The following ARHGAP8 variants were observed in gnomAD, a reference collection of about 807,000 sequenced individuals.
ARHGAP8 encodes Rho GTPase activating protein 8.
ARHGAP8 carries 62 observed loss-of-function variants against 46.1 expected under a neutral mutation model. The observed-to-expected ratio is 1.34, with a 90% CI of 1.10 to 1.66. ARHGAP8 has a LOEUF of 1.66. ARHGAP8 is among the 40% of genes most tolerant of loss of function. The probability of loss-of-function intolerance (pLI) is 0.00; values close to 1 mark genes in which losing one functional copy is unlikely to be tolerated. For synonymous variants in ARHGAP8, 375 were observed against 243.1 expected, an observed-to-expected ratio of 1.54 and a Z score of -5.05; for missense variants, 923 against 568.4, an observed-to-expected ratio of 1.62 and a Z score of -6.34.
At chr22:44,762,423 G>A (rs1925198235) in intron 1 of ARHGAP8, among the ~76,000 whole-genome samples, 1 of 148,586 alleles carries the variant, frequency 6.7e-6, no homozygotes, top group East Asian at 2.1e-4. Context: ...GCAACAGCAT[G>A]AGACCCCATC....
At chr22:44,787,698 C>T (rs1927360980) in intron 2 of ARHGAP8, among the ~76,000 whole-genome samples, 1 of 152,092 alleles carries the variant, frequency 6.6e-6, no homozygotes, top group Admixed American at 6.6e-5. Context: ...GGCAGTGAGT[C>T]CAACCCTCAC....
chr22:44,862,489 G>A lies in ARHGAP8; in HGVS notation c.1196G>A (p.Ser399Asn), dbSNP rs748810793. ...GGCCTGGCACCATGGGAACAGGGGA[G>A]CAGGGCAGCCCCTTTGCAGGAGGCT... is the stretch of plus-strand genomic sequence containing the variant. ...EHGLAPWEQG[S>N]RAAPLQEAVP... The change falls in exon 12 of 12, where the codon AGC becomes AAC. Residue 399 changes from serine (S) to asparagine (N), a missense_variant. Transcript: ENST00000356099. 20 of 1,613,164 alleles carry A rather than the reference G, an allele frequency of 1.2e-5. No homozygotes were observed. The highest frequency in any genetic ancestry group is 7.7e-5 in the South Asian group (7 of 91,060).
chr22:44,859,508 C>G (rs957513374), intron 10 of ARHGAP8, among the ~76,000 whole-genome samples: 2 of 152,158 alleles, frequency 1.3e-5, no homozygotes, highest in African/African-American at 4.8e-5. Context: ...GCCAGTTAAA[C>G]CTCTTTTCTT....
intron 5 of ARHGAP8, among the ~76,000 whole-genome samples, chr22:44,821,930 A>G (rs1038617448): frequency 6.7e-6 from 1 of 150,280 alleles, no homozygotes; most frequent in African/African-American, 2.4e-5. Flanking sequence ...AGGTGGCCAA[A>G]TGTGAAGCCA....
chr22:44,862,123 G>GTGGC (rs1207719858), intron 11 of ARHGAP8, 152 bp from the exon 12 acceptor site: 25 of 877,848 alleles, frequency 2.8e-5, no homozygotes, highest in Non-Finnish European at 4.1e-5. Flanking sequence ...GAGTGGGCAG[G>GTGGC]TGGCTGCACA....
At chr22:44,757,090 A>C (rs540557682) in intron 1 of ARHGAP8, among the ~76,000 whole-genome samples, 1 of 151,740 alleles carries the variant, frequency 6.6e-6, no homozygotes, top group South Asian at 2.1e-4. Flanking sequence ...TTAATTTTTA[A>C]ATTTTTGTAG....
intron 1 of ARHGAP8, among the ~76,000 whole-genome samples, chr22:44,759,638 C>T (rs532883440): frequency 9.8e-5 from 15 of 152,298 alleles, no homozygotes; most frequent in African/African-American, 3.4e-4. Context: ...CGCAGAGACT[C>T]TCACAGTGGT....
Position 44,825,420 on chromosome 22 carries a change from A to G in ARHGAP8, c.486-63A>G. 4.5e-6 allele frequency: 7 copies of G among 1,557,222 alleles called. No individual in the cohort carries two copies. In the South Asian group the frequency reaches 7.0e-5, roughly 15 times the overall value. The stretch of plus-strand genomic sequence containing the variant: ...GCAGGTGGGGCATCCAGCCCCACCC[A>G]GCGCCTCCGTGGCTGCCAGCTGCCC... On this transcript the variant is annotated intron_variant, in intron 6 of 11. Coordinates refer to ENST00000356099, the MANE Select transcript of ARHGAP8 (RefSeq NM_181335.3).
At chr22:44,778,647 G>A (rs1926596062) in intron 1 of ARHGAP8, among the ~76,000 whole-genome samples, 1 of 152,182 alleles carries the variant, frequency 6.6e-6, no homozygotes, top group Non-Finnish European at 1.5e-5. Flanking sequence ...CCTGCCAGCT[G>A]TGTAGAAGTG....
chr22:44,793,620 A>T (rs1927866615), intron 2 of ARHGAP8, among the ~76,000 whole-genome samples: 1 of 152,184 alleles, frequency 6.6e-6, no homozygotes, highest in Non-Finnish European at 1.5e-5. Flanking sequence ...CTGGGAGAGA[A>T]TGATGACTCG....
intron 7 of ARHGAP8, among the ~76,000 whole-genome samples, chr22:44,832,546 A>G (rs905975882): frequency 6.6e-6 from 1 of 152,156 alleles, no homozygotes; most frequent in Non-Finnish European, 1.5e-5. Flanking sequence ...TTTTTAATCT[A>G]TCTTTTTGTT....
At chr22:44,835,625 AAAG>A (rs1398371381) in intron 7 of ARHGAP8, among the ~76,000 whole-genome samples, 5 of 152,182 alleles carry the variant, frequency 3.3e-5, no homozygotes, top group Admixed American at 2.6e-4. Flanking sequence ...GTCTCAAGAA[AAAG>A]AAGGATTGGG....
At chr22:44,848,264 C>G (rs2070009352) in intron 9 of ARHGAP8, among the ~76,000 whole-genome samples, 1 of 152,204 alleles carries the variant, frequency 6.6e-6, no homozygotes, top group African/African-American at 2.4e-5. Context: ...CCCACTGGGA[C>G]ATGGTGGCCG....
intron 10 of ARHGAP8, among the ~76,000 whole-genome samples, chr22:44,858,542 TTTTTTTTTTA>T (rs1206154406): frequency 1.5e-5 from 2 of 132,160 alleles, no homozygotes. Flanking sequence ...GCTTTTTTTT[TTTTTTTTTTA>T]AGTAACAGGG....
At chr22:44,833,497 C>T (rs1931098580) in intron 7 of ARHGAP8, among the ~76,000 whole-genome samples, 1 of 151,966 alleles carries the variant, frequency 6.6e-6, no homozygotes, top group African/African-American at 2.4e-5. Context: ...TTGAATAAAC[C>T]TTGTATTCCT....
At chr22:44,859,369 T>C (rs114304812) in intron 10 of ARHGAP8, among the ~76,000 whole-genome samples, 1,849 of 152,302 alleles carry the variant, frequency 0.012, 49 homozygotes, top group African/African-American at 0.042. Context: ...CACTCTCTCT[T>C]GCTCCTGTTT....
chr22:44,843,220 C>T (rs140862043), intron 7 of ARHGAP8, among the ~76,000 whole-genome samples: 3 of 152,244 alleles, frequency 2.0e-5, no homozygotes, highest in African/African-American at 4.8e-5. Context: ...AGCGGTAAAG[C>T]TGTGTATTTC....
At position 44,779,993 on chromosome 22, in the gene ARHGAP8, G is replaced by A. The variant is rs547172456; in HGVS notation, c.-71-6464G>A. On this transcript the variant is annotated intron_variant, in intron 1 of 11. Coordinates refer to ENST00000356099, the MANE Select transcript of ARHGAP8 (RefSeq NM_181335.3). Reference sequence around the variant, plus strand: ...TCTCCCTCAGGGTGTCAGAGGGAGGGACCCCCAGGCTGGGACCCCAAGAGG... The same window carrying A: ...TCTCCCTCAGGGTGTCAGAGGGAGGAACCCCCAGGCTGGGACCCCAAGAGG... Among the ~76,000 whole-genome samples the A allele has an allele frequency of 4.3e-4, 66 of 152,264 alleles. 2 individuals carry two copies. The South Asian group carries it at 0.013, about 31-fold the overall frequency.
rs190748264 is a variant in ARHGAP8, at chr22:44,754,433, G to T, written c.-72+1806G>T. 7.5e-4 allele frequency among the ~76,000 whole-genome samples: 114 copies of T among 151,734 alleles called. 1 individual carries two copies. The highest frequency in any genetic ancestry group is 2.5e-3 in the African/African-American group (103 of 41,288). On this transcript the variant is annotated intron_variant, in intron 1 of 11. Coordinates refer to ENST00000356099, the MANE Select transcript of ARHGAP8 (RefSeq NM_181335.3). ...TGCAATGGCACGATCTCAGCTCACT[G>T]CAACCTCTGCCTCCTTGGTTCAAGT... is the stretch of plus-strand genomic sequence containing the variant.
Sources: allele counts gnomAD v4.1 joint callset (sites outside exome capture counted in the v4.1 genomes callset), GRCh38; gene constraint gnomAD v4.1.1; transcripts MANE v1.5; gene names NCBI Gene and HGNC (gene_info 2026-07-23, HGNC 2026-07-21).